OR52K1: variants seen among roughly 807,000 people sequenced by gnomAD.
OR52K1 encodes the protein olfactory receptor 52K1.
Under a neutral mutation model 8.7 loss-of-function variants are expected in OR52K1, and 10 were observed. The observed-to-expected ratio is 1.15, with a 90% CI of 0.71 to 1.95. The LOEUF (loss-of-function observed/expected upper bound fraction) is 1.95. Among genes scored for constraint, OR52K1 ranks in the 30% most tolerant of loss-of-function variants. The pLI is 0.00. For synonymous variants in OR52K1, 203 were observed against 148.5 expected (o/e 1.37, Z -2.67); for missense variants, 431 against 397.2 (o/e 1.08, Z -0.72).
rs1846340100 is a variant in OR52K1, at chr11:4,488,727, C to T, written c.-174C>T. The T allele has an allele frequency of 5.1e-6, 3 of 593,964 alleles. No homozygotes were observed. The African/African-American group carries it at 5.6e-5, about 11-fold the overall frequency. The allele number at this position is 593,964 out of a possible 1,614,324, so 36.8% of individuals were successfully genotyped here. ...AGGGTAGAAAATATGGATTATACTT[C>T]TCCATGTCTATGAAGGCTGCTAGGT... On this transcript the variant is annotated 5_prime_UTR_variant, in exon 2 of 2. Transcript: ENST00000641528.
chr11:4,484,712 G>GC (rs201691389), intron 1 of OR52K1, among the ~76,000 whole-genome samples: 1 of 151,800 alleles, frequency 6.6e-6, no homozygotes, highest in African/African-American at 2.4e-5. Context: ...CTAGAAAGAT[G>GC]CAATATTCAC....
Position 4,488,693 on chromosome 11 carries a change from ATTTC to A in OR52K1, c.-204_-201del, listed in dbSNP as rs1846339811. The A allele has an allele frequency of 1.8e-6, 1 of 555,420 alleles. No individual in the cohort carries two copies. Among genetic ancestry groups the A allele is most frequent in the Non-Finnish European group, 3.2e-6 (1 of 315,056 alleles). The allele number at this position is 555,420 out of a possible 1,614,324, so 34.4% of individuals were successfully genotyped here. A position where few individuals can be genotyped will look rare whatever the true frequency, so the allele number is the denominator to read the frequency against. ...ATCCCATCTACTCAATGAGATTCAA[ATTTC>A]TTTGAGGGTAGAAAATATGGATTAT... On this transcript the variant is annotated 5_prime_UTR_variant, in exon 2 of 2. It removes the in-frame stop codon of an upstream open reading frame in the 5' UTR. Coordinates refer to ENST00000641528, the MANE Select transcript of OR52K1 (RefSeq NM_001005171.3).
In OR52K1 at chr11:4,488,806, T is replaced by G; in HGVS notation, c.-95T>G. Reference sequence around the variant, plus strand: ...CAAGAGGTAATCTTTGCAGGTGGGATAGCACAGGTTGAACTCTAATCATAT... The same window carrying G: ...CAAGAGGTAATCTTTGCAGGTGGGAGAGCACAGGTTGAACTCTAATCATAT... On this transcript the variant is annotated 5_prime_UTR_variant, in exon 2 of 2. Transcript: ENST00000641528. 4 of 843,978 alleles carry G rather than the reference T, an allele frequency of 4.7e-6. No homozygotes were observed. Among genetic ancestry groups the G allele is most frequent in the East Asian group, 4.8e-5 (2 of 41,278 alleles). The allele number at this position is 843,978 out of a possible 1,614,324, so 52.3% of individuals were successfully genotyped here.
Position 4,491,391 on chromosome 11 carries a change from A to C in OR52K1, c.*1546A>C, listed in dbSNP as rs1274817930. The C allele has an allele frequency of 6.6e-6, 1 of 152,232 alleles. No homozygotes were observed. Among genetic ancestry groups the C allele is most frequent in the Non-Finnish European group, 1.5e-5 (1 of 68,060 alleles). The allele number at this position is 152,232 out of a possible 1,614,324, so 9.4% of individuals were successfully genotyped here. Reference sequence around the variant, plus strand: ...GCAGTAGGTGATTCCTCAAAGACCTAAAAACAGAAATACCATTTGACTGAG... The same window carrying C: ...GCAGTAGGTGATTCCTCAAAGACCTCAAAACAGAAATACCATTTGACTGAG... On this transcript the variant is annotated 3_prime_UTR_variant, in exon 2 of 2. Coordinates refer to ENST00000641528, the MANE Select transcript of OR52K1 (RefSeq NM_001005171.3).
Position 4,489,870 on chromosome 11 carries a change from C to T in OR52K1, c.*25C>T. ...GATGGATAGTTCTCTTTTTTTATCCCACTTGCCAAGTAATGAGAATGCTGG... is the reference window on the plus strand; with the variant it reads ...GATGGATAGTTCTCTTTTTTTATCCTACTTGCCAAGTAATGAGAATGCTGG... On this transcript the variant is annotated 3_prime_UTR_variant, in exon 2 of 2. Coordinates refer to ENST00000641528, the MANE Select transcript of OR52K1 (RefSeq NM_001005171.3). The T allele has an allele frequency of 2.0e-6, 3 of 1,492,336 alleles. No homozygotes were observed. The highest frequency in any genetic ancestry group is 2.7e-6 in the Non-Finnish European group (3 of 1,098,314). 92.4% of individuals were successfully genotyped at this position (1,492,336 alleles called of 1,614,324 possible). A position where few individuals can be genotyped will look rare whatever the true frequency, so the allele number is the denominator to read the frequency against.
Position 4,489,304 on chromosome 11 carries a change from C to T in OR52K1, c.404C>T (p.Thr135Met), listed in dbSNP as rs761960032. 2.7e-5 allele frequency: 44 copies of T among 1,614,188 alleles called. No individual in the cohort carries two copies. The highest frequency in any genetic ancestry group is 3.3e-4 in the Middle Eastern group (2 of 6,062). Residue 135 changes from threonine to methionine, a missense_variant, in exon 2 of 2, where the codon ACG (threonine) becomes ATG (methionine). Coordinates refer to ENST00000641528, the MANE Select transcript of OR52K1 (RefSeq NM_001005171.3). Reference protein sequence around the residue: ...YVAICKPLHYTTVLTGSLITK... With the variant: ...YVAICKPLHYMTVLTGSLITK... ...GCCATCTGCAAGCCATTGCACTACA[C>T]GACGGTCCTGACTGGGTCCCTCATC...
In OR52K1 at chr11:4,489,083, G is replaced by A. The variant is rs1446958747; in HGVS notation, c.183G>A (p.Met61Ile). The A allele has an allele frequency of 8.7e-6, 14 of 1,614,164 alleles. No individual in the cohort carries two copies. Among genetic ancestry groups the A allele is most frequent in the Non-Finnish European group, 1.2e-5 (14 of 1,180,010 alleles). The change falls in exon 2 of 2, where the codon ATG becomes ATA. Residue 61 changes from methionine (M) to isoleucine (I), a missense_variant. Coordinates refer to ENST00000641528, the MANE Select transcript of OR52K1 (RefSeq NM_001005171.3). ...CTGATGCAGCCCTCCATGAACCCAT[G>A]TACCTCTTTCTGGCCATGTTGGCAA... ...IQADAALHEP[M>I]YLFLAMLATI...
rs1846371329 is a variant in OR52K1 at position 4,491,154 on chromosome 11, C to T, written c.*1309C>T. ...TGTCCACCAATATTTAGTCTCCTGT[C>T]CTTCTATCATGGGTAGGGTATTTCC... On this transcript the variant is annotated 3_prime_UTR_variant, in exon 2 of 2. Coordinates refer to ENST00000641528, the MANE Select transcript of OR52K1 (RefSeq NM_001005171.3). 6.6e-6 allele frequency: 1 copy of T among 152,158 alleles called. No homozygotes were observed. Among genetic ancestry groups the T allele is most frequent in the Non-Finnish European group, 1.5e-5 (1 of 68,028 alleles). The allele number at this position is 152,158 out of a possible 1,614,324, so 9.4% of individuals were successfully genotyped here.
rs1488107928 is a variant in OR52K1 at position 4,490,270 on chromosome 11, A to AC, written c.*430dup. 1.8e-5 allele frequency: 3 copies of AC among 165,716 alleles called. No homozygotes were observed. Among genetic ancestry groups the AC allele is most frequent in the African/African-American group, 7.2e-5 (3 of 41,540 alleles). 10.3% of individuals were successfully genotyped at this position (165,716 alleles called of 1,614,324 possible). A position where few individuals can be genotyped will look rare whatever the true frequency, so the allele number is the denominator to read the frequency against. On this transcript the variant is annotated 3_prime_UTR_variant, in exon 2 of 2. Coordinates refer to ENST00000641528, the MANE Select transcript of OR52K1 (RefSeq NM_001005171.3). ...CATTATTCCTTTTAGTACTGAAATT[A>AC]CCCCCATGTCTTTTCTGACAAGTAC... is the stretch of plus-strand genomic sequence containing the variant.
chr11:4,489,008 T>A lies in OR52K1; in HGVS notation c.108T>A (p.Ala36=), dbSNP rs756573257. The A allele has an allele frequency of 6.2e-7, 1 of 1,614,110 alleles. No homozygotes were observed. Among genetic ancestry groups the A allele is most frequent in the African/African-American group, 1.3e-5 (1 of 74,926 alleles). ...GGATCTCCATCCCCTTCTGCTTTGC[T>A]TATACTCTGGCCCTGCTAGGCAACT... The part of the protein sequence containing the change: ...HAWISIPFCF[A]YTLALLGNCT... The change falls in exon 2 of 2, where the codon GCT becomes GCA. Residue 36 remains alanine (A), a synonymous_variant. Transcript: ENST00000641528.
chr11:4,487,021 C>T (rs1846326214), intron 1 of OR52K1, among the ~76,000 whole-genome samples: 2 of 139,756 alleles, frequency 1.4e-5, no homozygotes, highest in Non-Finnish European at 3.1e-5. Flanking sequence ...TGCATGAAGC[C>T]AGGTAAGTGA....
In OR52K1 at chr11:4,490,868, T is replaced by C. The variant is rs781584559; in HGVS notation, c.*1023T>C. ...CCCAAGTATTAAGCCTAGTATTCAT[T>C]AGCTATTTTTCTGTTTAAATACACA... On this transcript the variant is annotated 3_prime_UTR_variant, in exon 2 of 2. Transcript: ENST00000641528. 1.5e-4 allele frequency: 23 copies of C among 152,214 alleles called. No individual in the cohort carries two copies. The highest frequency in any genetic ancestry group is 5.2e-4 in the Admixed American group (8 of 15,282). 9.4% of individuals were successfully genotyped at this position (152,214 alleles called of 1,614,324 possible).
At position 4,487,969 on chromosome 11, in the gene OR52K1, G is replaced by A. The variant is rs973627422; in HGVS notation, c.-328-604G>A. On this transcript the variant is annotated intron_variant, in intron 1 of 1. Coordinates refer to ENST00000641528, the MANE Select transcript of OR52K1 (RefSeq NM_001005171.3). The stretch of plus-strand genomic sequence containing the variant: ...AAAGGTGAAAAATTGTTAACAAGAA[G>A]GATATTTGGAAGTCATAAGTCAGTC... 3.3e-5 allele frequency among the ~76,000 whole-genome samples: 5 copies of A among 152,138 alleles called. No individual in the cohort carries two copies. In the East Asian group the frequency reaches 9.6e-4, roughly 29 times the overall value.
intron 1 of OR52K1, among the ~76,000 whole-genome samples, chr11:4,484,825 AACACACAGACAC>A (rs1182832331): frequency 1.2e-3 from 157 of 131,876 alleles, no homozygotes; most frequent in South Asian, 4.3e-3. Context: ...TCTGTTCTAA[AACACACAGACAC>A]ACACACACAC....
chr11:4,489,417 G>A lies in OR52K1; in HGVS notation c.517G>A (p.Gly173Ser), dbSNP rs759593541. 1.2e-6 allele frequency: 2 copies of A among 1,614,204 alleles called. No individual in the cohort carries two copies. Among genetic ancestry groups the A allele is most frequent in the South Asian group, 1.1e-5 (1 of 91,082 alleles). ...GCTCAGACGCTTCCACTACTGCCGA[G>A]GCCCAGTGATTGCCCATTGCTACTG... The part of the protein sequence containing the change: ...FLLRRFHYCR[G>S]PVIAHCYCEH... Residue 173 changes from glycine (G) to serine (S), a missense_variant, in exon 2 of 2, where the codon GGC becomes AGC. By Grantham distance (56) the Gly-to-Ser change is moderately conservative. Coordinates refer to ENST00000641528, the MANE Select transcript of OR52K1 (RefSeq NM_001005171.3).
rs750362040 is a variant in OR52K1, at chr11:4,489,418, G to T, written c.518G>T (p.Gly173Val). 5.6e-6 allele frequency: 9 copies of T among 1,614,078 alleles called. No individual in the cohort carries two copies. Among genetic ancestry groups the T allele is most frequent in the Middle Eastern group, 3.3e-4 (2 of 6,084 alleles). The change falls in exon 2 of 2, where the codon GGC (glycine) becomes GTC (valine). Residue 173 changes from glycine to valine, a missense_variant. Coordinates refer to ENST00000641528, the MANE Select transcript of OR52K1 (RefSeq NM_001005171.3). Reference protein sequence around the residue: ...FLLRRFHYCRGPVIAHCYCEH... With the variant: ...FLLRRFHYCRVPVIAHCYCEH... ...CTCAGACGCTTCCACTACTGCCGAG[G>T]CCCAGTGATTGCCCATTGCTACTGT...
chr11:4,486,424 T>A (rs1012338924), intron 1 of OR52K1, among the ~76,000 whole-genome samples: 1 of 152,248 alleles, frequency 6.6e-6, no homozygotes, highest in Non-Finnish European at 1.5e-5. Flanking sequence ...TTCATCCTAT[T>A]CTTGTTCACT....
In OR52K1 at chr11:4,490,975, T is replaced by C. The variant is rs1008154484; in HGVS notation, c.*1130T>C. 2 of 152,212 alleles carry C rather than the reference T, an allele frequency of 1.3e-5. No individual in the cohort carries two copies. Among genetic ancestry groups the C allele is most frequent in the Non-Finnish European group, 2.9e-5 (2 of 68,028 alleles). 9.4% of individuals were successfully genotyped at this position (152,212 alleles called of 1,614,324 possible). A position where few individuals can be genotyped will look rare whatever the true frequency, so the allele number is the denominator to read the frequency against. Reference sequence around the variant, plus strand: ...GGCTATACCATATAGCTTAGGTGTATAGCAAGCGATACCATCTAGGTTTGT... The same window carrying C: ...GGCTATACCATATAGCTTAGGTGTACAGCAAGCGATACCATCTAGGTTTGT... On this transcript the variant is annotated 3_prime_UTR_variant, in exon 2 of 2. Transcript: ENST00000641528.
At chr11:4,485,546 A>G (rs1369560511) in intron 1 of OR52K1, among the ~76,000 whole-genome samples, 1 of 152,048 alleles carries the variant, frequency 6.6e-6, no homozygotes, top group Admixed American at 6.6e-5. Context: ...CTCACTTCCT[A>G]TATCTAACCT....
Sources: gnomAD v4.1 joint callset for allele counts (sites outside exome capture counted in the v4.1 genomes callset) on GRCh38, gnomAD v4.1.1 for gene constraint, MANE v1.5 for transcripts, NCBI Gene and HGNC (gene_info 2026-07-23, HGNC 2026-07-21) for gene names.